The following TAF3 variants were observed in gnomAD, a reference collection of about 807,000 sequenced individuals.
TAF3 encodes the protein TATA-box binding protein associated factor 3.
TAF3 carries 7 observed loss-of-function variants against 80.6 expected under a neutral mutation model. The ratio of observed to expected loss-of-function variants is 0.09; its 90% CI spans 0.05 to 0.16. The LOEUF (loss-of-function observed/expected upper bound fraction) is 0.16, where lower values mean the gene tolerates loss of function less well. TAF3 is among the 10% of genes least tolerant of loss of function. TAF3 has a pLI of 1.00. For missense variants in TAF3, 921 were observed against 1,140.2 expected (o/e 0.81, Z 2.77); for synonymous variants, 444 against 446.1 (o/e 1.00, Z 0.06).
At chr10:7,876,658 A>G (rs1301188648) in intron 2 of TAF3, among the ~76,000 whole-genome samples, 1 of 152,210 alleles carries the variant, frequency 6.6e-6, no homozygotes, top group African/African-American at 2.4e-5. Context: ...GTGTTTACTC[A>G]GCTTACTTGA....
At chr10:7,856,020 G>A (rs574805252) in intron 2 of TAF3, among the ~76,000 whole-genome samples, 157 of 152,212 alleles carry the variant, frequency 1.0e-3, no homozygotes, top group African/African-American at 3.6e-3. Flanking sequence ...GCAAGAGCAG[G>A]GTGCTATTTT....
intron 2 of TAF3, among the ~76,000 whole-genome samples, chr10:7,844,898 A>G (rs1428298077): frequency 6.6e-6 from 1 of 152,056 alleles, no homozygotes; most frequent in African/African-American, 2.4e-5. Context: ...CCAATCGCTT[A>G]TTGTTGGGCA....
At chr10:7,981,765 A>G (rs1050246296) in intron 4 of TAF3, among the ~76,000 whole-genome samples, 12 of 152,170 alleles carry the variant, frequency 7.9e-5, no homozygotes, top group African/African-American at 2.9e-4. Flanking sequence ...GCTTTCCTTT[A>G]CATGTCATTT....
In TAF3 at chr10:7,933,290, C is replaced by T. The variant is rs143247722; in HGVS notation, c.410-30630C>T. ...ACAAGTGTTTACATGAATTAAATTC[C>T]AGATCAGAGGCACATAGTGGAAAGA... On this transcript the variant is annotated intron_variant, in intron 2 of 6. Coordinates refer to ENST00000344293, the MANE Select transcript of TAF3 (RefSeq NM_031923.4). 3.7e-3 allele frequency among the ~76,000 whole-genome samples: 564 copies of T among 152,222 alleles called. 4 individuals are homozygous for T. Among genetic ancestry groups the T allele is most frequent in the South Asian group, 0.02 (95 of 4,826 alleles).
At chr10:7,887,582 C>T (rs1837420347) in intron 2 of TAF3, among the ~76,000 whole-genome samples, 1 of 152,018 alleles carries the variant, frequency 6.6e-6, no homozygotes, top group Non-Finnish European at 1.5e-5. Context: ...TAAGACTTTC[C>T]TAGTGATAAG....
chr10:7,900,736 C>T (rs1484063254), intron 2 of TAF3, among the ~76,000 whole-genome samples: 1 of 152,092 alleles, frequency 6.6e-6, no homozygotes, highest in East Asian at 1.9e-4. Context: ...GGGGAGGTTA[C>T]ATAAGGAAGG....
intron 2 of TAF3, among the ~76,000 whole-genome samples, chr10:7,884,945 T>C (rs920037139): frequency 2.0e-5 from 3 of 152,164 alleles, no homozygotes; most frequent in Non-Finnish European, 2.9e-5. Flanking sequence ...GAAAACAGTT[T>C]CAGAATTGCT....
chr10:7,990,817 C>T (rs1353674202), intron 4 of TAF3, among the ~76,000 whole-genome samples: 1 of 152,174 alleles, frequency 6.6e-6, no homozygotes. Flanking sequence ...GAGTCCTGCT[C>T]TGAGCCCTTA....
intron 6 of TAF3, 51 bp downstream of exon 6, chr10:8,013,888 G>C: frequency 2.7e-6 from 4 of 1,479,908 alleles, no homozygotes; most frequent in Non-Finnish European, 3.8e-6. Context: ...AGCATCAGCC[G>C]CTCCTGAGAT....
intron 2 of TAF3, among the ~76,000 whole-genome samples, chr10:7,924,638 C>T (rs1022312920): frequency 6.6e-6 from 1 of 152,102 alleles, no homozygotes; most frequent in Non-Finnish European, 1.5e-5. Context: ...TGTGAGTGAA[C>T]AAATATCCTT....
intron 2 of TAF3, among the ~76,000 whole-genome samples, chr10:7,944,565 G>A (rs894710071): frequency 1.3e-5 from 2 of 152,174 alleles, no homozygotes; most frequent in Non-Finnish European, 2.9e-5. Flanking sequence ...GATAGAGCAG[G>A]AGTGAGCCTC....
chr10:7,925,823 G>GAA (rs1837810103), intron 2 of TAF3, among the ~76,000 whole-genome samples: 1 of 138,366 alleles, frequency 7.2e-6, no homozygotes, highest in Non-Finnish European at 1.6e-5. Context: ...GAAAAGAAAA[G>GAA]AAAAGAAAAA....
At chr10:8,006,087 T>C (rs1455103005) in intron 4 of TAF3, among the ~76,000 whole-genome samples, 1 of 152,048 alleles carries the variant, frequency 6.6e-6, no homozygotes, top group African/African-American at 2.4e-5. Context: ...CTCAGCACTT[T>C]GGGAGGCTGA....
intron 2 of TAF3, among the ~76,000 whole-genome samples, chr10:7,893,628 G>A (rs923484935): frequency 4.6e-5 from 7 of 152,010 alleles, no homozygotes; most frequent in African/African-American, 9.7e-5. Context: ...AGCGAGATCC[G>A]TCCAAGTGTC....
chr10:7,828,373 A>G (rs1318662516), intron 2 of TAF3, among the ~76,000 whole-genome samples: 1 of 152,242 alleles, frequency 6.6e-6, no homozygotes, highest in Non-Finnish European at 1.5e-5. Context: ...CAGTGTGAAG[A>G]TGACAGATGA....
chr10:7,998,338 A>T (rs939918330), intron 4 of TAF3, among the ~76,000 whole-genome samples: 1 of 149,610 alleles, frequency 6.7e-6, no homozygotes, highest in Non-Finnish European at 1.5e-5. Flanking sequence ...TTTTTGAAGG[A>T]TTATCTTATT....
intron 4 of TAF3, among the ~76,000 whole-genome samples, chr10:7,981,304 C>T (rs1831723567): frequency 6.6e-6 from 1 of 152,160 alleles, no homozygotes; most frequent in Admixed American, 6.5e-5. Flanking sequence ...CAGTGGGTCC[C>T]CCATGCCCAG....
At chr10:7,891,973 A>T (rs1273852529) in intron 2 of TAF3, among the ~76,000 whole-genome samples, 3 of 152,262 alleles carry the variant, frequency 2.0e-5, no homozygotes, top group Admixed American at 2.0e-4. Flanking sequence ...TGTAACAGTG[A>T]ATGACTTTTG....
At chr10:7,981,790 C>T (rs1831728427) in intron 4 of TAF3, among the ~76,000 whole-genome samples, 3 of 152,008 alleles carry the variant, frequency 2.0e-5, no homozygotes, top group Admixed American at 1.3e-4. Context: ...TTTTTTGTTG[C>T]ATTTCACAGA....
Sources: gnomAD v4.1 joint callset for allele counts (sites outside exome capture counted in the v4.1 genomes callset) on GRCh38, gnomAD v4.1.1 for gene constraint, MANE v1.5 for transcripts, NCBI Gene and HGNC (gene_info 2026-07-23, HGNC 2026-07-21) for gene names.